Variants in AOPEP observed in about 807,000 individuals in gnomAD.
The protein encoded by AOPEP is aminopeptidase O (putative), also known as aminopeptidase O.
Under a neutral mutation model 98.1 loss-of-function variants are expected in AOPEP, and 77 were observed. The ratio of observed to expected loss-of-function variants is 0.78; its 90% confidence interval spans 0.65 to 0.95. AOPEP has a LOEUF of 0.95. AOPEP is among the 40% of genes least tolerant of loss of function. AOPEP has a pLI of 0.00. For missense variants in AOPEP, 1,024 were observed against 1,024.7 expected (o/e 1.00, Z 0.01); for synonymous variants, 346 against 365.3 (o/e 0.95, Z 0.60).
At chr9:94,793,501 AC>A (rs1046741325) in intron 4 of AOPEP, among the ~76,000 whole-genome samples, 1 of 152,036 alleles carries the variant, frequency 6.6e-6, no homozygotes, top group Non-Finnish European at 1.5e-5. Context: ...ACATGGTGAA[AC>A]CCCATCTCTA....
At chr9:95,137,692 G>A in the AOPEP span, among the ~76,000 whole-genome samples, 523 of 152,330 alleles carry the variant, frequency 3.4e-3, 2 homozygotes, top group Non-Finnish European at 5.7e-3. Flanking sequence ...TGGAAGCTCC[G>A]GGAGAGGAAT....
At chr9:95,036,617 GGTTTT>G (rs1418252629) in intron 13 of AOPEP, among the ~76,000 whole-genome samples, 1 of 151,380 alleles carries the variant, frequency 6.6e-6, no homozygotes, top group Non-Finnish European at 1.5e-5. Flanking sequence ...CAGAATGTTG[GGTTTT>G]GTTTTATTTC....
At chr9:95,032,557 T>G (rs1160725724) in intron 13 of AOPEP, among the ~76,000 whole-genome samples, 1 of 152,216 alleles carries the variant, frequency 6.6e-6, no homozygotes, top group African/African-American at 2.4e-5. Context: ...AGAGGGTCCT[T>G]CACCTTGGGT....
chr9:94,870,729 T>G (rs1484428380), intron 5 of AOPEP, among the ~76,000 whole-genome samples: 2 of 152,234 alleles, frequency 1.3e-5, no homozygotes, highest in Non-Finnish European at 2.9e-5. Context: ...AGATATAAGT[T>G]GGATCTGGGT....
chr9:95,147,639 A>C, the AOPEP span, among the ~76,000 whole-genome samples: 1 of 152,198 alleles, frequency 6.6e-6, no homozygotes, highest in Non-Finnish European at 1.5e-5. Flanking sequence ...AATGTGAGGA[A>C]AGTTATTTTT....
intron 14 of AOPEP, among the ~76,000 whole-genome samples, chr9:95,073,774 G>A (rs1222293370): frequency 6.6e-6 from 1 of 152,114 alleles, no homozygotes; most frequent in African/African-American, 2.4e-5. Flanking sequence ...CAGGAGAATC[G>A]CTTGAACCTG....
At chr9:95,145,691 A>G in the AOPEP span, among the ~76,000 whole-genome samples, 4 of 152,224 alleles carry the variant, frequency 2.6e-5, no homozygotes. Context: ...CACATGCAAG[A>G]GACCAGAGAA....
At chr9:94,906,406 C>CA (rs1162987203) in intron 5 of AOPEP, among the ~76,000 whole-genome samples, 1 of 151,566 alleles carries the variant, frequency 6.6e-6, no homozygotes, top group Non-Finnish European at 1.5e-5. Context: ...GTCAAGGCAG[C>CA]AGTGAGCCAC....
intron 5 of AOPEP, among the ~76,000 whole-genome samples, chr9:94,867,810 A>T (rs2045879333): frequency 6.6e-6 from 1 of 152,184 alleles, no homozygotes; most frequent in Admixed American, 6.5e-5. Flanking sequence ...TGGTGAATAA[A>T]CCTGGCTTCT....
At chr9:94,820,197 T>C in intron 5 of AOPEP, among the ~76,000 whole-genome samples, 1 of 152,106 alleles carries the variant, frequency 6.6e-6, no homozygotes. Context: ...CTGCCTGCCT[T>C]GGCCTCCCAA....
intron 13 of AOPEP, among the ~76,000 whole-genome samples, chr9:95,038,599 T>G (rs1353431814): frequency 1.3e-5 from 2 of 152,244 alleles, no homozygotes; most frequent in Non-Finnish European, 2.9e-5. Context: ...TGATAATGTC[T>G]CTACAACGCA....
Position 94,760,013 on chromosome 9 carries a change from C to A in AOPEP, c.230C>A (p.Pro77His). The part of the protein sequence containing the change: ...ESNKACKFGM[P>H]EPCHIPVTNA... ...AACAAAGCCTGCAAATTTGGGATGC[C>A]TGAACCCTGCCATATTCCCGTGACA... The change falls in exon 2 of 17, where the codon CCT becomes CAT. Residue 77 changes from proline (P) to histidine (H), a missense_variant. Around this residue, in one of 3 missense-constraint regions of AOPEP, gnomAD observed 440 missense variants for 433.8 expected, o/e 1.01. Coordinates refer to ENST00000375315, the MANE Select transcript of AOPEP (RefSeq NM_001193329.3). The A allele has an allele frequency of 6.2e-7, 1 of 1,614,198 alleles. No homozygotes were observed.
At chr9:94,737,588 G>A (rs972833715) in intron 1 of AOPEP, among the ~76,000 whole-genome samples, 9 of 152,198 alleles carry the variant, frequency 5.9e-5, no homozygotes, top group Non-Finnish European at 1.2e-4. Context: ...GTATAAATTT[G>A]TAAAGTGCTG....
intron 5 of AOPEP, among the ~76,000 whole-genome samples, chr9:94,871,708 A>G (rs2046366206): frequency 1.3e-5 from 2 of 152,104 alleles, no homozygotes; most frequent in Non-Finnish European, 2.9e-5. Flanking sequence ...TCATTCATCA[A>G]AGTAACAAGA....
chr9:95,020,973 T>A (rs2063410293), intron 13 of AOPEP, among the ~76,000 whole-genome samples: 1 of 151,078 alleles, frequency 6.6e-6, no homozygotes, highest in Non-Finnish European at 1.5e-5. Flanking sequence ...CATTTTGTTT[T>A]GAAATGCAGT....
chr9:95,066,787 G>A (rs1051687113), intron 14 of AOPEP, among the ~76,000 whole-genome samples: 7 of 152,170 alleles, frequency 4.6e-5, no homozygotes, highest in South Asian at 2.1e-4. Context: ...CTCTTCTTCC[G>A]GTATAGCCAG....
At chr9:94,960,208 G>A (rs879126986) in intron 9 of AOPEP, among the ~76,000 whole-genome samples, 1 of 151,936 alleles carries the variant, frequency 6.6e-6, no homozygotes, top group Non-Finnish European at 1.5e-5. Context: ...TCAGGAGTTC[G>A]AGACCAGCCT....
intron 11 of AOPEP, among the ~76,000 whole-genome samples, chr9:94,999,175 T>G (rs1026505146): frequency 2.6e-5 from 4 of 151,936 alleles, no homozygotes; most frequent in African/African-American, 7.3e-5. Context: ...CCAGAATACT[T>G]TATTGAGTTA....
intron 13 of AOPEP, among the ~76,000 whole-genome samples, chr9:95,012,988 G>T (rs796741089): frequency 0.042 from 1,175 of 28,156 alleles, 41 homozygotes; most frequent in African/African-American, 0.13. Context: ...TTTTTTTTTT[G>T]GGGGGGGGGG....
Sources: allele counts gnomAD v4.1 joint callset (sites outside exome capture counted in the v4.1 genomes callset), GRCh38; gene constraint gnomAD v4.1.1; regional missense constraint gnomAD v4.1.1; transcripts MANE v1.5; gene names NCBI Gene and HGNC (gene_info 2026-07-23, HGNC 2026-07-21).